SCML2: variants seen among roughly 807,000 people sequenced by gnomAD.
SCML2 encodes the protein Scm polycomb group protein like 2, also known as sex comb on midleg-like protein 2.
Under a neutral mutation model 48.4 loss-of-function variants are expected in SCML2, and 6 were observed. The ratio of observed to expected loss-of-function variants is 0.12; its 90% CI spans 0.07 to 0.24. The LOEUF is 0.24. SCML2 is among the 10% of genes least tolerant of loss of function. The pLI, the probability that SCML2 is intolerant of heterozygous loss-of-function variation, is 1.00. For synonymous variants in SCML2, 181 were observed against 189.5 expected, an observed-to-expected ratio of 0.95 and a Z score of 0.37; for missense variants, 377 against 528.2, an observed-to-expected ratio of 0.71 and a Z score of 2.81.
At chrX:18,248,358 C>T (rs752365111) in intron 11 of SCML2, among the ~76,000 whole-genome samples, 45 of 112,222 alleles carry the variant, frequency 4.0e-4, no homozygotes, top group African/African-American at 1.3e-3. Flanking sequence ...TGCACTTCTA[C>T]CTAAAGGACC....
intron 7 of SCML2, among the ~76,000 whole-genome samples, chrX:18,274,398 G>T (rs1213548330): frequency 8.9e-6 from 1 of 112,426 alleles, no homozygotes; most frequent in East Asian, 2.8e-4. Flanking sequence ...TCCCACCCAT[G>T]AAGGGGTCAG....
At chrX:18,325,651 T>C (rs1929455897) in intron 3 of SCML2, among the ~76,000 whole-genome samples, 1 of 111,855 alleles carries the variant, frequency 8.9e-6, no homozygotes. Context: ...CATATTATAA[T>C]GTTAGAAGAG....
chrX:18,268,714 ATATG>A (rs1366816716), intron 7 of SCML2, among the ~76,000 whole-genome samples: 2 of 109,625 alleles, frequency 1.8e-5, no homozygotes, highest in Non-Finnish European at 3.8e-5. Flanking sequence ...ACATGTATAC[ATATG>A]TAACTAACCT....
chrX:18,277,023 C>A (rs1386768147), intron 7 of SCML2, among the ~76,000 whole-genome samples: 1 of 108,175 alleles, frequency 9.2e-6, no homozygotes, highest in Non-Finnish European at 1.9e-5. Context: ...AAACCAAAAA[C>A]AAACAAAAAA....
chrX:18,294,277 C>CT (rs1371447873), intron 7 of SCML2, among the ~76,000 whole-genome samples: 1 of 110,988 alleles, frequency 9.0e-6, no homozygotes, highest in African/African-American at 3.3e-5. Context: ...ACACTGGAAT[C>CT]TAAGAAGTAA....
chrX:18,271,125 G>C (rs766325935), intron 7 of SCML2, among the ~76,000 whole-genome samples: 1 of 111,377 alleles, frequency 9.0e-6, no homozygotes, highest in Admixed American at 9.6e-5. Flanking sequence ...CTGGAATGAG[G>C]GAAACTAGAG....
chrX:18,278,050 T>C (rs1165998445), intron 7 of SCML2, among the ~76,000 whole-genome samples: 1 of 111,587 alleles, frequency 9.0e-6, no homozygotes, highest in Non-Finnish European at 1.9e-5. Flanking sequence ...CCCAGCTACT[T>C]AGGAGGCTGA....
chrX:18,311,014 C>T (rs1469852574), intron 6 of SCML2, among the ~76,000 whole-genome samples: 2 of 111,742 alleles, frequency 1.8e-5, no homozygotes, highest in Non-Finnish European at 3.8e-5. Flanking sequence ...ACATAAGATA[C>T]ACTTTCTTTA....
At chrX:18,252,255 C>T (rs1193139161) in intron 11 of SCML2, among the ~76,000 whole-genome samples, 1 of 112,832 alleles carries the variant, frequency 8.9e-6, no homozygotes, top group Non-Finnish European at 1.9e-5. Flanking sequence ...GCCTAGGCAA[C>T]AGAGCGAGAC....
At chrX:18,257,929 A>G in intron 10 of SCML2, 115 bp downstream of exon 10, 1 of 406,332 alleles carries the variant, frequency 2.5e-6, no homozygotes, top group Non-Finnish European at 4.2e-6. Flanking sequence ...GGGGAGGGGG[A>G]AGGGGAGGGG....
At chrX:18,306,027 A>G (rs1007512057) in intron 6 of SCML2, among the ~76,000 whole-genome samples, 2 of 111,568 alleles carry the variant, frequency 1.8e-5, no homozygotes, top group Non-Finnish European at 3.8e-5. Flanking sequence ...AAGACTGGAA[A>G]TAGTAATCCT....
In SCML2 at chrX:18,241,229, C is replaced by A; in HGVS notation, c.*22G>T. 1 of 1,158,470 alleles carries A rather than the reference C, an allele frequency of 8.6e-7. No homozygotes were observed. The highest frequency in any genetic ancestry group is 2.0e-5 in the South Asian group (1 of 49,951). ...TAACAGTACACCTGAGAATTATGTC[C>A]AATCTAAACTTACACATTTTTTTAA... On this transcript the variant is annotated 3_prime_UTR_variant, in exon 15 of 15. Transcript: ENST00000251900.
At chrX:18,314,115 G>A (rs1229783910) in intron 6 of SCML2, among the ~76,000 whole-genome samples, 1 of 112,143 alleles carries the variant, frequency 8.9e-6, no homozygotes, top group Non-Finnish European at 1.9e-5. Flanking sequence ...TGTAACTGAT[G>A]ATTTTCTATC....
intron 7 of SCML2, among the ~76,000 whole-genome samples, chrX:18,281,111 A>G (rs1477732495): frequency 1.9e-5 from 2 of 105,909 alleles, no homozygotes; most frequent in Non-Finnish European, 3.9e-5. Context: ...CATAAAGCCA[A>G]GTCTCAATAA....
At chrX:18,258,382 G>T (rs1236445257) in intron 9 of SCML2, 135 bp from the exon 10 acceptor site, 6 of 427,900 alleles carry the variant, frequency 1.4e-5, no homozygotes, top group African/African-American at 1.4e-4. Context: ...TAATATCAAT[G>T]ATCATTTCTG....
At chrX:18,350,225 G>A (rs1930329735) in intron 1 of SCML2, among the ~76,000 whole-genome samples, 1 of 110,795 alleles carries the variant, frequency 9.0e-6, no homozygotes, top group African/African-American at 3.3e-5. Context: ...GCTGTAGTGA[G>A]CCAAGATCAC....
chrX:18,271,379 TAAC>T (rs753491416), intron 7 of SCML2, among the ~76,000 whole-genome samples: 425 of 109,324 alleles, frequency 3.9e-3, no homozygotes, highest in African/African-American at 0.013. Context: ...TTCTGTCCTG[TAAC>T]AACAACAACA....
chrX:18,295,721 C>T (rs1422720792), intron 7 of SCML2, among the ~76,000 whole-genome samples: 1 of 109,990 alleles, frequency 9.1e-6, no homozygotes, highest in African/African-American at 3.3e-5. Context: ...CAAGAACAGG[C>T]ACGCTCGGCC....
intron 7 of SCML2, among the ~76,000 whole-genome samples, chrX:18,286,458 C>T (rs1928057349): frequency 8.9e-6 from 1 of 111,805 alleles, no homozygotes; most frequent in African/African-American, 3.2e-5. Flanking sequence ...AACTCAGTCT[C>T]CAGCAATTTC....
Sources: allele counts gnomAD v4.1 joint callset (sites outside exome capture counted in the v4.1 genomes callset), GRCh38; gene constraint gnomAD v4.1.1; transcripts MANE v1.5; gene names NCBI Gene and HGNC (gene_info 2026-07-23, HGNC 2026-07-21).